Variants in ASB3 observed in about 807,000 individuals in gnomAD.
ASB3 encodes ankyrin repeat and SOCS box protein 3.
Under a neutral mutation model 54.5 loss-of-function variants are expected in ASB3, and 41 were observed. The observed-to-expected ratio is 0.75, with a 90% CI of 0.59 to 0.98. ASB3 has a LOEUF of 0.98. Among genes scored for constraint, ASB3 ranks in the 50% least tolerant of loss-of-function variants. ASB3 has a pLI of 0.00. For missense variants in ASB3, 733 were observed against 620.0 expected (o/e 1.18, Z -1.94); for synonymous variants, 266 against 221.2 (o/e 1.20, Z -1.80).
At chr2:53,759,703 G>C (rs1443384277) in intron 2 of ASB3, among the ~76,000 whole-genome samples, 2 of 152,116 alleles carry the variant, frequency 1.3e-5, no homozygotes, top group Admixed American at 6.5e-5. Flanking sequence ...GGTTTACAAG[G>C]ACACTTTAAA....
chr2:53,767,858 G>C (rs780673283), intron 1 of ASB3: 1 of 1,587,754 alleles, frequency 6.3e-7, no homozygotes, highest in South Asian at 1.1e-5. Flanking sequence ...TAGGGTTCAC[G>C]GCCACTGGGG....
intron 6 of ASB3, 138 bp from the exon 7 acceptor site, chr2:53,714,719 A>AC (rs1670291499): frequency 1.3e-6 from 1 of 799,674 alleles, no homozygotes; most frequent in Admixed American, 3.0e-5. Flanking sequence ...TGTACCTTCT[A>AC]CCAACAACAT....
intron 8 of ASB3, among the ~76,000 whole-genome samples, chr2:53,699,575 T>A (rs1312357307): frequency 6.6e-6 from 1 of 152,232 alleles, no homozygotes; most frequent in African/African-American, 2.4e-5. Context: ...TTTATTGAAA[T>A]TCTATAAAAT....
At chr2:53,766,739 A>G (rs910613200) in intron 1 of ASB3, among the ~76,000 whole-genome samples, 22 of 152,198 alleles carry the variant, frequency 1.4e-4, no homozygotes, top group Non-Finnish European at 2.2e-4. Context: ...GTTAGCAACC[A>G]TATCAGGCAA....
At chr2:53,685,132 G>T (rs557938781) in intron 9 of ASB3, among the ~76,000 whole-genome samples, 14 of 152,292 alleles carry the variant, frequency 9.2e-5, no homozygotes, top group Non-Finnish European at 1.9e-4. Flanking sequence ...GAGAAATCGA[G>T]TTCTTTTACA....
intron 3 of ASB3, among the ~76,000 whole-genome samples, chr2:53,731,195 A>T (rs930742308): frequency 2.0e-5 from 3 of 152,144 alleles, no homozygotes; most frequent in African/African-American, 7.2e-5. Flanking sequence ...AGTTCAGGAG[A>T]TCGAGACCAT....
chr2:53,772,773 A>G (rs1056871535), intron 1 of ASB3, among the ~76,000 whole-genome samples: 2 of 152,204 alleles, frequency 1.3e-5, no homozygotes, highest in African/African-American at 4.8e-5. Context: ...AACATGTGTC[A>G]TGGGGGTTTG....
At chr2:53,762,369 C>T (rs1673192753) in intron 2 of ASB3, among the ~76,000 whole-genome samples, 1 of 152,146 alleles carries the variant, frequency 6.6e-6, no homozygotes, top group South Asian at 2.1e-4. Context: ...GTTAAAAAAC[C>T]TGTCCAAAGT....
At chr2:53,774,522 A>T in intron 1 of ASB3, 1 of 1,532,058 alleles carries the variant, frequency 6.5e-7, no homozygotes, top group Non-Finnish European at 8.7e-7. Context: ...TCAATTGCAT[A>T]TAATTTAGTC....
chr2:53,784,188 A>G (rs1558582713), intron 1 of ASB3, among the ~76,000 whole-genome samples: 1 of 152,358 alleles, frequency 6.6e-6, no homozygotes, highest in East Asian at 1.9e-4. Context: ...TAAATAGTTG[A>G]TAAGTTTTCA....
chr2:53,678,471 G>A (rs568775407), intron 9 of ASB3, among the ~76,000 whole-genome samples: 12 of 152,246 alleles, frequency 7.9e-5, no homozygotes, highest in Admixed American at 1.3e-4. Context: ...TACAGAAATC[G>A]TTTTAAGCCA....
intron 5 of ASB3, among the ~76,000 whole-genome samples, chr2:53,724,957 C>G (rs1572912298): frequency 6.6e-6 from 1 of 152,072 alleles, no homozygotes; most frequent in East Asian, 1.9e-4. Context: ...ATAAATCATT[C>G]AACAAAAATA....
chr2:53,781,919 A>G (rs1025754604), intron 1 of ASB3, among the ~76,000 whole-genome samples: 4 of 152,148 alleles, frequency 2.6e-5, no homozygotes, highest in Non-Finnish European at 4.4e-5. Context: ...GCCTTGCCCA[A>G]TTTTTTCAAC....
intron 9 of ASB3, among the ~76,000 whole-genome samples, chr2:53,676,965 C>T (rs761639480): frequency 1.0e-3 from 156 of 152,228 alleles, no homozygotes; most frequent in Non-Finnish European, 1.8e-3. Context: ...GACAGGATTT[C>T]GCCATGTTGG....
chr2:53,682,539 C>A (rs778116464), intron 9 of ASB3, among the ~76,000 whole-genome samples: 2 of 151,946 alleles, frequency 1.3e-5, no homozygotes, highest in Non-Finnish European at 2.9e-5. Context: ...TGCAGTGGTG[C>A]GATCTCGGCT....
At chr2:53,674,090 G>A (rs916131320) in intron 9 of ASB3, among the ~76,000 whole-genome samples, 1 of 152,140 alleles carries the variant, frequency 6.6e-6, no homozygotes, top group African/African-American at 2.4e-5. Context: ...GTTGCCACTA[G>A]GCTAGAAGAT....
chr2:53,765,863 T>C (rs1673417267), intron 1 of ASB3, among the ~76,000 whole-genome samples: 1 of 152,054 alleles, frequency 6.6e-6, no homozygotes, highest in South Asian at 2.1e-4. Context: ...GTTTGAGGAG[T>C]AGGCTTCTGC....
chr2:53,710,611 T>C (rs1670040066), intron 7 of ASB3, among the ~76,000 whole-genome samples: 1 of 152,250 alleles, frequency 6.6e-6, no homozygotes, highest in African/African-American at 2.4e-5. Context: ...TCCTGGGTCT[T>C]GTTATAATCC....
intron 9 of ASB3, among the ~76,000 whole-genome samples, chr2:53,676,372 C>T (rs1184620320): frequency 6.6e-6 from 1 of 152,200 alleles, no homozygotes; most frequent in Non-Finnish European, 1.5e-5. Flanking sequence ...ACCACTCCTT[C>T]AATGGTCATT....
Sources: allele counts gnomAD v4.1 joint callset (sites outside exome capture counted in the v4.1 genomes callset), GRCh38; gene constraint gnomAD v4.1.1; transcripts MANE v1.5; gene names NCBI Gene and HGNC (gene_info 2026-07-23, HGNC 2026-07-21).